Variants in ZSWIM5 observed in about 807,000 individuals in gnomAD.
ZSWIM5 encodes the protein zinc finger SWIM-type containing 5, also known as zinc finger SWIM domain-containing protein 5.
In ZSWIM5, 55 loss-of-function variants were observed where a neutral mutation model predicts 119.6. The observed-to-expected ratio is 0.46, with a 90% CI of 0.37 to 0.58. The LOEUF is 0.58. Ranked by LOEUF, ZSWIM5 falls within the 20% of genes least tolerant of loss-of-function variation. The pLI, the probability that ZSWIM5 is intolerant of heterozygous loss-of-function variation, is 0.00. For synonymous variants in ZSWIM5, 537 were observed against 606.9 expected, an observed-to-expected ratio of 0.88 and a Z score of 1.69; for missense variants, 1,193 against 1,512.8, an observed-to-expected ratio of 0.79 and a Z score of 3.51.
chr1:45,139,624 G>C (rs977788321), intron 1 of ZSWIM5, among the ~76,000 whole-genome samples: 7 of 150,342 alleles, frequency 4.7e-5, no homozygotes, highest in Non-Finnish European at 1.0e-4. Flanking sequence ...TGAGACTACA[G>C]GTATATGCCA....
At position 45,021,236 on chromosome 1, in the gene ZSWIM5, C is replaced by T. The variant is rs547927335; in HGVS notation, c.2450-448G>A. ...ATTTTTAGTAGAGATGGGGTTTCAC[C>T]GTGTTAGCCAGGATGGTCTCGATCT... On this transcript the variant is annotated intron_variant, in intron 11 of 13. Transcript: ENST00000359600. 1.4e-3 allele frequency among the ~76,000 whole-genome samples: 215 copies of T among 152,268 alleles called. 2 individuals carry two copies. The highest frequency in any genetic ancestry group is 4.8e-3 in the Admixed American group (73 of 15,284).
At chr1:45,098,857 A>T (rs965235318) in intron 1 of ZSWIM5, among the ~76,000 whole-genome samples, 4 of 152,210 alleles carry the variant, frequency 2.6e-5, no homozygotes, top group African/African-American at 9.7e-5. Context: ...CAATGAGAAA[A>T]AAGACACACC....
chr1:45,174,885 A>T (rs1018023064), intron 1 of ZSWIM5, among the ~76,000 whole-genome samples: 4 of 152,134 alleles, frequency 2.6e-5, no homozygotes, highest in Non-Finnish European at 5.9e-5. Context: ...TCACCCCAGA[A>T]TACTTTTTTT....
At chr1:45,150,089 G>A (rs1162245981) in intron 1 of ZSWIM5, among the ~76,000 whole-genome samples, 1 of 149,494 alleles carries the variant, frequency 6.7e-6, no homozygotes, top group Non-Finnish European at 1.5e-5. Flanking sequence ...AGGACTGTTT[G>A]AGCCCAGGAG....
intron 5 of ZSWIM5, among the ~76,000 whole-genome samples, chr1:45,046,462 T>A (rs1432374530): frequency 6.6e-6 from 1 of 151,876 alleles, no homozygotes; most frequent in Non-Finnish European, 1.5e-5. Context: ...GACTCCAAGG[T>A]TTTTAAGAGA....
At chr1:45,095,644 C>T (rs543974970) in intron 1 of ZSWIM5, among the ~76,000 whole-genome samples, 19 of 152,262 alleles carry the variant, frequency 1.2e-4, no homozygotes, top group African/African-American at 3.6e-4. Flanking sequence ...TATTGCATCA[C>T]ATCAGGAGAC....
At chr1:45,037,196 C>T (rs745537365) in intron 8 of ZSWIM5, among the ~76,000 whole-genome samples, 1 of 150,560 alleles carries the variant, frequency 6.6e-6, no homozygotes, top group African/African-American at 2.4e-5. Flanking sequence ...CTGCAACCTC[C>T]GCCTCCTGGG....
chr1:45,073,650 T>A (rs867247422), intron 2 of ZSWIM5, among the ~76,000 whole-genome samples: 1 of 151,920 alleles, frequency 6.6e-6, no homozygotes, highest in Admixed American at 6.5e-5. Flanking sequence ...TTTAGGTTTT[T>A]CCAAATATAA....
chr1:45,091,064 C>T (rs1645361436), intron 1 of ZSWIM5, among the ~76,000 whole-genome samples: 1 of 152,074 alleles, frequency 6.6e-6, no homozygotes, highest in African/African-American at 2.4e-5. Flanking sequence ...CTCTGCTTAC[C>T]TCTCAAAAGT....
chr1:45,102,366 T>A (rs1261184705), intron 1 of ZSWIM5, among the ~76,000 whole-genome samples: 1 of 152,228 alleles, frequency 6.6e-6, no homozygotes, highest in African/African-American at 2.4e-5. Flanking sequence ...TTCCTTCTCA[T>A]GCTAATTCTT....
chr1:45,077,352 C>T (rs1645261643), intron 2 of ZSWIM5, among the ~76,000 whole-genome samples: 1 of 152,096 alleles, frequency 6.6e-6, no homozygotes, highest in Non-Finnish European at 1.5e-5. Flanking sequence ...AGCTGGGCGT[C>T]TGGGGGAGAT....
chr1:45,028,917 T>A (rs1236111336), intron 11 of ZSWIM5, among the ~76,000 whole-genome samples: 1 of 152,192 alleles, frequency 6.6e-6, no homozygotes, highest in African/African-American at 2.4e-5. Context: ...ACCTCGTCTC[T>A]ACTAAAAAAT....
At chr1:45,194,608 TG>T (rs1428585640) in intron 1 of ZSWIM5, among the ~76,000 whole-genome samples, 12 of 152,186 alleles carry the variant, frequency 7.9e-5, no homozygotes, top group African/African-American at 2.9e-4. Flanking sequence ...CCAGGCGCGG[TG>T]GCTCACACCT....
At chr1:45,044,766 TATATATATAA>T (rs1557746429) in intron 5 of ZSWIM5, among the ~76,000 whole-genome samples, 2,560 of 5,832 alleles carry the variant, frequency 0.44, 965 homozygotes, top group East Asian at 0.76. Context: ...TATATATATA[TATATATATAA>T]ATATATATAT....
rs1645232565 is a variant in ZSWIM5 at position 45,072,927 on chromosome 1, A to C, written c.953-12680T>G. On this transcript the variant is annotated intron_variant, in intron 2 of 13. Coordinates refer to ENST00000359600, the MANE Select transcript of ZSWIM5 (RefSeq NM_020883.2). The surrounding 1 kb of genome is among the most constrained non-coding windows in gnomAD (Gnocchi z 4.1). ...TCTTTTGTGGTTTCACATAGCAAAA[A>C]ACAATTTTAGAATTGTGTTTTCTAT... Among the ~76,000 whole-genome samples the C allele has an allele frequency of 6.6e-6, 1 of 152,008 alleles. No homozygotes were observed. The highest frequency in any genetic ancestry group is 1.5e-5 in the Non-Finnish European group (1 of 68,034).
At chr1:45,045,234 A>G (rs866200836) in intron 5 of ZSWIM5, among the ~76,000 whole-genome samples, 1 of 152,090 alleles carries the variant, frequency 6.6e-6, no homozygotes, top group Non-Finnish European at 1.5e-5. Flanking sequence ...TAAGGTAATA[A>G]GAAACCATGA....
rs981849240 is a variant in ZSWIM5, at chr1:45,018,805, G to C, written c.3207C>G (p.His1069Gln). Reference protein sequence around the residue: ...ALIPLVVKSVHCATVLSDILR... With the variant: ...ALIPLVVKSVQCATVLSDILR... Reference sequence around the variant, plus strand: ...AGATGTCTGAAAGCACTGTGGCACAGTGCACACTCTTCACCACCAGGGGGA... The same window carrying C: ...AGATGTCTGAAAGCACTGTGGCACACTGCACACTCTTCACCACCAGGGGGA... The change falls in exon 14 of 14, where the codon CAC becomes CAG. Residue 1069 changes from histidine (H) to glutamine (Q), a missense_variant. Transcript: ENST00000359600. This position sits in a 1 kb window ranked among gnomAD's most constrained non-coding sequence, Gnocchi z 6.7. 6.2e-7 allele frequency: 1 copy of C among 1,614,236 alleles called. No homozygotes were observed. Among genetic ancestry groups the C allele is most frequent in the South Asian group, 1.1e-5 (1 of 91,088 alleles).
At chr1:45,111,171 A>G (rs1192493371) in intron 1 of ZSWIM5, among the ~76,000 whole-genome samples, 1 of 152,206 alleles carries the variant, frequency 6.6e-6, no homozygotes, top group Non-Finnish European at 1.5e-5. Flanking sequence ...CAGAAGCGAC[A>G]TTTGAGTTAA....
chr1:45,139,518 A>C (rs936046144), intron 1 of ZSWIM5, among the ~76,000 whole-genome samples: 52 of 88,676 alleles, frequency 5.9e-4, no homozygotes, highest in East Asian at 1.3e-3. Flanking sequence ...CAATCTTCCC[A>C]CCCAAAGTGC....
Sources: allele counts gnomAD v4.1 joint callset (sites outside exome capture counted in the v4.1 genomes callset), GRCh38; gene constraint gnomAD v4.1.1; non-coding constraint Gnocchi (gnomAD v3.1); transcripts MANE v1.5; gene names NCBI Gene and HGNC (gene_info 2026-07-23, HGNC 2026-07-21).